The following DMD variants were observed in gnomAD, a reference collection of about 807,000 sequenced individuals.
The protein encoded by DMD is mutant dystrophin.
Under a neutral mutation model 330.1 loss-of-function variants are expected in DMD, and 63 were observed. The observed-to-expected ratio is 0.19, with a 90% CI of 0.16 to 0.24. DMD has a LOEUF of 0.24. Among genes scored for constraint, DMD ranks in the 10% least tolerant of loss-of-function variants. The pLI, the probability that DMD is intolerant of heterozygous loss-of-function variation, is 1.00. For synonymous variants in DMD, 1,223 were observed against 959.8 expected, an observed-to-expected ratio of 1.27 and a Z score of -5.07; for missense variants, 3,344 against 2,684.1, an observed-to-expected ratio of 1.25 and a Z score of -5.43.
intron 41 of DMD, among the ~76,000 whole-genome samples, chrX:32,332,979 C>A (rs1406940993): frequency 9.0e-6 from 1 of 110,648 alleles, no homozygotes; most frequent in Non-Finnish European, 1.9e-5. Flanking sequence ...GGCAAGTGCC[C>A]AAGGACTGAG....
At chrX:31,434,409 A>C (rs1338159211) in intron 60 of DMD, among the ~76,000 whole-genome samples, 1 of 61,300 alleles carries the variant, frequency 1.6e-5, no homozygotes, top group South Asian at 9.5e-4. Context: ...CCCTTACTGC[A>C]GCGCGCGCGC....
chrX:31,120,570 A>C lies in DMD; in HGVS notation c.*1349T>G, dbSNP rs764825924. On this transcript the variant is annotated 3_prime_UTR_variant, in exon 79 of 79. Transcript: ENST00000357033. Reference sequence around the variant, plus strand: ...CAATAAATCTAAAAAAGCAACAAAAACCAAACCACCCAGTTCCTTTTGACT... The same window carrying C: ...CAATAAATCTAAAAAAGCAACAAAACCCAAACCACCCAGTTCCTTTTGACT... 30 of 111,996 alleles carry C rather than the reference A, an allele frequency of 2.7e-4. No homozygotes were observed. The highest frequency in any genetic ancestry group is 5.1e-4 in the Non-Finnish European group (27 of 53,200). 9.2% of individuals were successfully genotyped at this position (111,996 alleles called of 1,213,427 possible). A position where few individuals can be genotyped will look rare whatever the true frequency, so the allele number is the denominator to read the frequency against.
At chrX:31,725,703 T>C (rs34673769) in intron 52 of DMD, among the ~76,000 whole-genome samples, 2,643 of 111,781 alleles carry the variant, frequency 0.024, 45 homozygotes, top group East Asian at 0.13. Context: ...TTTAAAGTAA[T>C]GCATGCTATT....
chrX:32,512,878 C>A (rs2045480218), intron 18 of DMD, among the ~76,000 whole-genome samples: 1 of 111,152 alleles, frequency 9.0e-6, no homozygotes, highest in Non-Finnish European at 1.9e-5. Flanking sequence ...GGAAGTGGGG[C>A]TTTGTTTTGA....
In DMD at chrX:32,798,611, GAAATATTTTCTT is replaced by G. The variant is rs369825808; in HGVS notation, c.649+10870_649+10881del. Among the ~76,000 whole-genome samples, 664 of 111,720 alleles carry G rather than the reference GAAATATTTTCTT, an allele frequency of 5.9e-3. 4 individuals carry two copies. The highest frequency in any genetic ancestry group is 0.019 in the African/African-American group (593 of 30,821). ...ATTTTTCATTCATGTAAGTGCCAGT[GAAATATTTTCTT>G]AAATATTTTCTTAAATATATTTTCA... On this transcript the variant is annotated intron_variant, in intron 7 of 78. Transcript: ENST00000357033.
chrX:32,709,599 C>T (rs956163091), intron 7 of DMD, among the ~76,000 whole-genome samples: 8 of 110,955 alleles, frequency 7.2e-5, no homozygotes, highest in Non-Finnish European at 1.5e-4. Flanking sequence ...ATCTCAAATA[C>T]CGAAGGCCAT....
At chrX:31,197,805 T>C (rs928776224) in intron 67 of DMD, among the ~76,000 whole-genome samples, 1 of 111,585 alleles carries the variant, frequency 9.0e-6, no homozygotes, top group African/African-American at 3.3e-5. Context: ...GACTGCAGCA[T>C]TGTTCACAAT....
At chrX:31,968,204 G>T in intron 45 of DMD, 135 bp downstream of exon 45, 1 of 721,398 alleles carries the variant, frequency 1.4e-6, no homozygotes, top group Non-Finnish European at 2.1e-6. Flanking sequence ...CTTTACTGCT[G>T]TTGATTAATG....
At chrX:31,373,073 C>T (rs1893570724) in intron 60 of DMD, among the ~76,000 whole-genome samples, 1 of 108,897 alleles carries the variant, frequency 9.2e-6, no homozygotes, top group Non-Finnish European at 1.9e-5. Context: ...TTCACAATTG[C>T]TTCAAAGAGA....
At chrX:31,221,552 T>C (rs934315074) in intron 64 of DMD, among the ~76,000 whole-genome samples, 7 of 112,905 alleles carry the variant, frequency 6.2e-5, no homozygotes, top group African/African-American at 2.3e-4. Flanking sequence ...TCCACACAGT[T>C]AGCTGTTCAC....
chrX:32,349,942 C>T (rs889869879), intron 37 of DMD, among the ~76,000 whole-genome samples: 19 of 111,276 alleles, frequency 1.7e-4, no homozygotes, highest in Admixed American at 7.7e-4. Context: ...AAATCATACA[C>T]TGTTTAGATG....
intron 43 of DMD, among the ~76,000 whole-genome samples, chrX:32,254,387 T>C (rs755734878): frequency 8.9e-6 from 1 of 111,934 alleles, no homozygotes; most frequent in Admixed American, 9.5e-5. Flanking sequence ...TAATAATGTG[T>C]GGTGGTGTGG....
intron 55 of DMD, among the ~76,000 whole-genome samples, chrX:31,529,320 G>A (rs958783799): frequency 1.8e-5 from 2 of 110,730 alleles, no homozygotes; most frequent in African/African-American, 6.6e-5. Context: ...AGGAGTTTGA[G>A]GCTGCAGTGA....
intron 45 of DMD, among the ~76,000 whole-genome samples, chrX:31,949,263 GTA>G (rs1361075251): frequency 3.6e-5 from 4 of 111,021 alleles, no homozygotes; most frequent in African/African-American, 1.3e-4. Context: ...TACCTTATCA[GTA>G]TTGAGTCTTC....
chrX:31,698,803 G>A (rs1276916776), intron 52 of DMD, among the ~76,000 whole-genome samples: 3 of 111,420 alleles, frequency 2.7e-5, no homozygotes, highest in Non-Finnish European at 1.9e-5. Flanking sequence ...AAAACAGAGG[G>A]GAGTTATTGG....
chrX:31,961,740 G>GTTTTTTTTTTTTTTTTTTTTTTT (rs59279553), intron 45 of DMD, among the ~76,000 whole-genome samples: 4 of 75,640 alleles, frequency 5.3e-5, no homozygotes, highest in Admixed American at 1.5e-4. Flanking sequence ...AAAGGAAGCG[G>GTTTTTTTTTTTTTTTTTTTTTTT]TTTTTTTTTT....
chrX:32,827,818 C>T (rs1239530333), intron 4 of DMD, among the ~76,000 whole-genome samples: 4 of 110,367 alleles, frequency 3.6e-5, no homozygotes, highest in African/African-American at 9.9e-5. Context: ...TGCGCCACCA[C>T]GCCTGGCTAA....
At chrX:31,293,733 CAG>C (rs1402418058) in intron 62 of DMD, among the ~76,000 whole-genome samples, 1 of 112,281 alleles carries the variant, frequency 8.9e-6, no homozygotes, top group Non-Finnish European at 1.9e-5. Context: ...GAATGAGACA[CAG>C]AGCGGGGCTA....
intron 1 of DMD, among the ~76,000 whole-genome samples, chrX:33,074,373 C>G (rs1028879166): frequency 3.6e-5 from 4 of 110,394 alleles, no homozygotes; most frequent in Non-Finnish European, 7.5e-5. Context: ...CAATTAAACT[C>G]CTTTAACTTT....
Sources: gnomAD v4.1 joint callset for allele counts (sites outside exome capture counted in the v4.1 genomes callset) on GRCh38, gnomAD v4.1.1 for gene constraint, MANE v1.5 for transcripts, NCBI Gene and HGNC (gene_info 2026-07-23, HGNC 2026-07-21) for gene names.